Variants in L3MBTL4 observed in about 807,000 individuals in gnomAD.
L3MBTL4 encodes L3MBTL histone methyl-lysine binding protein 4, also known as lethal(3)malignant brain tumor-like protein 4.
In L3MBTL4, 70 loss-of-function variants were observed where a neutral mutation model predicts 84.5. That is an observed-to-expected ratio of 0.83 (90% confidence interval 0.68 to 1.01). L3MBTL4 has a LOEUF of 1.01. L3MBTL4 is among the 50% of genes least tolerant of loss of function. The probability of loss-of-function intolerance (pLI) is 0.00; values close to 1 mark genes in which losing one functional copy is unlikely to be tolerated. For synonymous variants in L3MBTL4, 274 were observed against 259.8 expected (o/e 1.05, Z -0.52); for missense variants, 715 against 754.8 (o/e 0.95, Z 0.62).
At chr18:6,287,233 A>C (rs891142285) in intron 4 of L3MBTL4, among the ~76,000 whole-genome samples, 1 of 152,192 alleles carries the variant, frequency 6.6e-6, no homozygotes, top group African/African-American at 2.4e-5. Context: ...CATTATAGGG[A>C]TCATTTAAAC....
intron 1 of L3MBTL4, among the ~76,000 whole-genome samples, chr18:6,405,515 C>T (rs1820893784): frequency 6.6e-6 from 1 of 152,242 alleles, no homozygotes. Flanking sequence ...AGCACACTCA[C>T]TCCCTTTCAG....
chr18:6,221,393 AATCT>A (rs1408066279), intron 10 of L3MBTL4, among the ~76,000 whole-genome samples: 3 of 152,126 alleles, frequency 2.0e-5, no homozygotes, highest in Non-Finnish European at 4.4e-5. Context: ...ACAATAGACA[AATCT>A]ATCTGTCTAT....
intron 1 of L3MBTL4, among the ~76,000 whole-genome samples, chr18:6,393,218 C>T (rs2055131661): frequency 6.6e-6 from 1 of 152,128 alleles, no homozygotes; most frequent in Non-Finnish European, 1.5e-5. Flanking sequence ...AGATATGCAA[C>T]TAATTTCTCT....
intron 12 of L3MBTL4, among the ~76,000 whole-genome samples, chr18:6,207,612 A>G (rs879347260): frequency 6.6e-6 from 1 of 152,148 alleles, no homozygotes; most frequent in Non-Finnish European, 1.5e-5. Context: ...ACTAATTTAT[A>G]GTTTTACCTA....
intron 1 of L3MBTL4, among the ~76,000 whole-genome samples, chr18:6,380,587 T>TC (rs2054558144): frequency 6.6e-6 from 1 of 152,214 alleles, no homozygotes; most frequent in African/African-American, 2.4e-5. Flanking sequence ...CAGTAGTCAT[T>TC]CGGGAGCAGG....
At chr18:5,991,623 A>G (rs193066704) in intron 16 of L3MBTL4, among the ~76,000 whole-genome samples, 2 of 152,338 alleles carry the variant, frequency 1.3e-5, no homozygotes, top group East Asian at 3.9e-4. Flanking sequence ...AAATAACAAA[A>G]AATTCACAGC....
intron 13 of L3MBTL4, among the ~76,000 whole-genome samples, chr18:6,155,446 T>C (rs79960701): frequency 0.016 from 2,408 of 152,236 alleles, 58 homozygotes; most frequent in African/African-American, 0.055. Context: ...AGCTCCCAAA[T>C]ATGCCATCCT....
At chr18:5,972,811 T>G (rs1050851060) in intron 16 of L3MBTL4, among the ~76,000 whole-genome samples, 16 of 151,856 alleles carry the variant, frequency 1.1e-4, no homozygotes, top group African/African-American at 3.6e-4. Flanking sequence ...ATATCAAGGT[T>G]TTCTAACTCT....
At chr18:6,246,425 T>C (rs896474519) in intron 5 of L3MBTL4, among the ~76,000 whole-genome samples, 1 of 152,188 alleles carries the variant, frequency 6.6e-6, no homozygotes, top group Non-Finnish European at 1.5e-5. Context: ...GCACACAGTT[T>C]TGAACAGATT....
At chr18:6,073,269 G>A (rs548554219) in intron 16 of L3MBTL4, among the ~76,000 whole-genome samples, 2 of 151,810 alleles carry the variant, frequency 1.3e-5, no homozygotes, top group Non-Finnish European at 2.9e-5. Flanking sequence ...TGCAGACACT[G>A]AAAAGCTAAT....
intron 1 of L3MBTL4, chr18:6,356,948 C>T (rs2053475200): frequency 6.6e-6 from 1 of 152,170 alleles, no homozygotes; most frequent in African/African-American, 2.4e-5. Context: ...ATGCAATGGG[C>T]TACAACACTG....
chr18:6,276,261 C>A (rs2049073480), intron 4 of L3MBTL4, among the ~76,000 whole-genome samples: 1 of 152,186 alleles, frequency 6.6e-6, no homozygotes, highest in African/African-American at 2.4e-5. Flanking sequence ...TGTGCCTGGA[C>A]CACCTCAGGC....
At chr18:5,964,520 T>TC (rs903997041) in intron 17 of L3MBTL4, among the ~76,000 whole-genome samples, 7 of 152,194 alleles carry the variant, frequency 4.6e-5, no homozygotes, top group African/African-American at 1.4e-4. Flanking sequence ...CTTTTTTTTT[T>TC]CTAAGGGCCC....
chr18:6,131,609 C>T (rs2059878860), intron 14 of L3MBTL4, among the ~76,000 whole-genome samples: 1 of 152,086 alleles, frequency 6.6e-6, no homozygotes, highest in African/African-American at 2.4e-5. Flanking sequence ...ATTAATAGTA[C>T]ACCTAGGAAT....
At chr18:6,048,622 C>T (rs774765358) in intron 16 of L3MBTL4, among the ~76,000 whole-genome samples, 1 of 151,978 alleles carries the variant, frequency 6.6e-6, no homozygotes, top group Non-Finnish European at 1.5e-5. Context: ...CATGATGAAA[C>T]CCCGTCTCTA....
rs112220297 is a variant in L3MBTL4 at position 6,091,505 on chromosome 18, G to T, written c.1373+1850C>A. On this transcript the variant is annotated intron_variant, in intron 15 of 18. Coordinates refer to ENST00000317931, the MANE Select transcript of L3MBTL4 (RefSeq NM_001330559.2). ...TAGGATTTGGCAGAACAGGACAACC[G>T]GTGATTTGTCTGCTTGATTATCAAC... Among the ~76,000 whole-genome samples, 141 of 152,328 alleles carry T rather than the reference G, an allele frequency of 9.3e-4. 1 individual carries two copies. Among genetic ancestry groups the T allele is most frequent in the African/African-American group, 3.3e-3 (138 of 41,580 alleles).
chr18:6,161,948 T>C (rs1018338368), intron 13 of L3MBTL4, among the ~76,000 whole-genome samples: 4 of 150,530 alleles, frequency 2.7e-5, no homozygotes, highest in Non-Finnish European at 4.4e-5. Context: ...TATATATATC[T>C]AAGAAAGCTA....
chr18:6,324,186 C>T (rs112348667), intron 1 of L3MBTL4, among the ~76,000 whole-genome samples: 1,833 of 152,316 alleles, frequency 0.012, 46 homozygotes, highest in African/African-American at 0.042. Flanking sequence ...TTTCAGACAA[C>T]GTATGGAAAA....
chr18:6,241,569 G>T, intron 7 of L3MBTL4, 120 bp from the exon 8 acceptor site: 2 of 569,532 alleles, frequency 3.5e-6, no homozygotes, highest in Non-Finnish European at 6.2e-6. Flanking sequence ...GAAAAAAAAC[G>T]CAATTACTTT....
Sources: allele counts gnomAD v4.1 joint callset (sites outside exome capture counted in the v4.1 genomes callset), GRCh38; gene constraint gnomAD v4.1.1; transcripts MANE v1.5; gene names NCBI Gene and HGNC (gene_info 2026-07-23, HGNC 2026-07-21).